Variants in IL12RB2 observed in about 807,000 individuals in gnomAD.
The protein encoded by IL12RB2 is interleukin-12 receptor subunit beta-2.
A neutral mutation model predicts 89.4 loss-of-function variants in IL12RB2; 82 were observed. The ratio of observed to expected loss-of-function variants is 0.92; its 90% CI spans 0.77 to 1.10. The LOEUF is 1.10. IL12RB2 is among the 50% of genes least tolerant of loss of function. IL12RB2 has a pLI of 0.00. For missense variants in IL12RB2, 963 were observed against 1,031.9 expected (o/e 0.93, Z 0.92); for synonymous variants, 368 against 370.1 (o/e 0.99, Z 0.07).
chr1:67,361,130 T>C (rs1661994596), intron 10 of IL12RB2, among the ~76,000 whole-genome samples: 1 of 152,168 alleles, frequency 6.6e-6, no homozygotes, highest in African/African-American at 2.4e-5. Flanking sequence ...GATGTAATCA[T>C]AGGGTTATAG....
Position 67,330,735 on chromosome 1 carries a change from T to A in IL12RB2, c.883T>A (p.Ser295Thr). ...ATTTACAGAATATGAATTTCAGATT[T>A]CCTCTAAGCTACATCTTTATAAGGG... is the stretch of plus-strand genomic sequence containing the variant. The part of the protein sequence containing the change: ...KPFTEYEFQI[S>T]SKLHLYKGSW... Residue 295 changes from serine to threonine, a missense_variant, in exon 8 of 17, where the codon TCC (serine) becomes ACC (threonine). Coordinates refer to ENST00000674203, the MANE Select transcript of IL12RB2 (RefSeq NM_001374259.2). 6.6e-7 allele frequency: 1 copy of A among 1,521,772 alleles called. No individual in the cohort carries two copies. Among genetic ancestry groups the A allele is most frequent in the South Asian group, 1.1e-5 (1 of 89,222 alleles). 94.3% of individuals were successfully genotyped at this position (1,521,772 alleles called of 1,614,324 possible).
chr1:67,341,161 T>C (rs1659480604), intron 9 of IL12RB2, among the ~76,000 whole-genome samples: 1 of 152,142 alleles, frequency 6.6e-6, no homozygotes, highest in Non-Finnish European at 1.5e-5. Context: ...CCATAATCCC[T>C]AATCCCAGCA....
intron 13 of IL12RB2, 116 bp from the exon 14 acceptor site, chr1:67,379,870 C>A: frequency 1.2e-6 from 1 of 861,228 alleles, no homozygotes; most frequent in Non-Finnish European, 1.9e-6. Context: ...TTTAAAATAG[C>A]AAAATGCTTT....
At chr1:67,309,327 G>C (rs1418476954) in intron 1 of IL12RB2, among the ~76,000 whole-genome samples, 1 of 152,094 alleles carries the variant, frequency 6.6e-6, no homozygotes, top group African/African-American at 2.4e-5. Flanking sequence ...ACAGGTTTCT[G>C]GCTCAAAACT....
intron 16 of IL12RB2, among the ~76,000 whole-genome samples, chr1:67,391,257 A>G (rs1665777705): frequency 6.6e-6 from 1 of 151,872 alleles, no homozygotes; most frequent in African/African-American, 2.4e-5. Flanking sequence ...TAAGACAAAG[A>G]TCATTCACTT....
chr1:67,366,546 T>C (rs1662700834), intron 10 of IL12RB2, among the ~76,000 whole-genome samples: 1 of 150,348 alleles, frequency 6.7e-6, no homozygotes, highest in South Asian at 2.1e-4. Flanking sequence ...TTGATAAAAA[T>C]TAGAAAATCA....
intron 1 of IL12RB2, among the ~76,000 whole-genome samples, chr1:67,310,867 G>A (rs1465309105): frequency 6.6e-6 from 1 of 152,224 alleles, no homozygotes; most frequent in East Asian, 1.9e-4. Flanking sequence ...TGGGATTACA[G>A]GCGCACACCA....
chr1:67,383,832 C>A (rs116700282), intron 14 of IL12RB2, among the ~76,000 whole-genome samples: 6,907 of 152,278 alleles, frequency 0.045, 190 homozygotes, highest in Non-Finnish European at 0.07. Context: ...TGCAAAAATT[C>A]AAAAAATTGC....
intron 10 of IL12RB2, among the ~76,000 whole-genome samples, chr1:67,361,940 T>C (rs1462524928): frequency 1.3e-5 from 2 of 152,126 alleles, no homozygotes; most frequent in African/African-American, 4.8e-5. Flanking sequence ...GAAAACTTTA[T>C]AAGACCAAAT....
chr1:67,309,936 A>G (rs1175775204), intron 1 of IL12RB2, among the ~76,000 whole-genome samples: 1 of 152,110 alleles, frequency 6.6e-6, no homozygotes, highest in Admixed American at 6.6e-5. Flanking sequence ...GCACTTTGGG[A>G]GGCCGAGGTG....
intron 4 of IL12RB2, among the ~76,000 whole-genome samples, chr1:67,325,582 A>T (rs1379664176): frequency 2.0e-5 from 3 of 152,228 alleles, no homozygotes; most frequent in Admixed American, 6.5e-5. Flanking sequence ...TTTTTAAAGG[A>T]AAAGTTTATT....
In IL12RB2 at chr1:67,395,618, C is replaced by CT; in HGVS notation, c.2118_2119insT (p.Ile707TyrfsTer3). On this transcript the variant is annotated frameshift_variant, in exon 17 of 17. Transcript: ENST00000674203. LOFTEE classifies it low-confidence loss of function (END_TRUNC). ...CGCCTGAAGATCCTGAACCGCTGGT[C>CT]ATCAGTGAAGTCCTTCATCAAGTGA... 6.2e-7 allele frequency: 1 copy of CT among 1,614,202 alleles called. No homozygotes were observed. The highest frequency in any genetic ancestry group is 8.5e-7 in the Non-Finnish European group (1 of 1,180,024).
chr1:67,388,369 A>G (rs150097713), intron 15 of IL12RB2, among the ~76,000 whole-genome samples: 39 of 152,270 alleles, frequency 2.6e-4, no homozygotes, highest in Middle Eastern at 3.4e-3. Flanking sequence ...GTTTTGAGAC[A>G]GAGTCTCACT....
intron 14 of IL12RB2, among the ~76,000 whole-genome samples, chr1:67,385,556 A>G (rs916276738): frequency 1.3e-5 from 2 of 152,264 alleles, no homozygotes; most frequent in Middle Eastern, 3.4e-3. Context: ...TACTACATTC[A>G]TGACTTCTTT....
At chr1:67,395,441 G>A (rs1666272338) in intron 16 of IL12RB2, 106 bp from the exon 17 acceptor site, 1 of 1,605,482 alleles carries the variant, frequency 6.2e-7, no homozygotes, top group Non-Finnish European at 8.5e-7. Flanking sequence ...TCCAGCCAGG[G>A]CTGAGGAGAC....
chr1:67,389,286 A>G (rs1665549591), intron 15 of IL12RB2, among the ~76,000 whole-genome samples: 1 of 151,992 alleles, frequency 6.6e-6, no homozygotes, highest in Non-Finnish European at 1.5e-5. Context: ...ACCTAGTCAC[A>G]TGGCCACATC....
Position 67,319,822 on chromosome 1 carries a change from T to TA in IL12RB2, c.-36-511_-36-510insA, listed in dbSNP as rs541134781. On this transcript the variant is annotated intron_variant, in intron 2 of 16. Coordinates refer to ENST00000674203, the MANE Select transcript of IL12RB2 (RefSeq NM_001374259.2). ...ATTAGGAGATGGGGTCTTTGGGAGG[T>TA]GATTGGGTCATGAAGGTAGAATTTT... 2.7e-3 allele frequency among the ~76,000 whole-genome samples: 409 copies of TA among 152,076 alleles called. 3 individuals carry two copies. The highest frequency in any genetic ancestry group is 9.6e-3 in the African/African-American group (396 of 41,456).
rs1177248463 is a variant in IL12RB2 at position 67,350,978 on chromosome 1, T to A, written c.1147T>A (p.Trp383Arg). 1 of 1,614,150 alleles carries A rather than the reference T, an allele frequency of 6.2e-7. No individual in the cohort carries two copies. Among genetic ancestry groups the A allele is most frequent in the Admixed American group, 1.7e-5 (1 of 60,014 alleles). ...ACAGAACATCACAGGACACACCTCC[T>A]GGACCACAGTCATTCCTAGAACCGG... ...MTQNITGHTS[W>R]TTVIPRTGNW... The change falls in exon 10 of 17, where the codon TGG becomes AGG. Residue 383 changes from tryptophan (W) to arginine (R), a missense_variant. By Grantham distance (101) the Trp-to-Arg change is moderately radical (BLOSUM62 -3). Coordinates refer to ENST00000674203, the MANE Select transcript of IL12RB2 (RefSeq NM_001374259.2).
chr1:67,358,391 C>G (rs1188936619), intron 10 of IL12RB2, among the ~76,000 whole-genome samples: 2 of 151,906 alleles, frequency 1.3e-5, no homozygotes, highest in Non-Finnish European at 2.9e-5. Flanking sequence ...GCTTGGCCAA[C>G]CTGGTGAAAC....
Sources: gnomAD v4.1 joint callset for allele counts (sites outside exome capture counted in the v4.1 genomes callset) on GRCh38, gnomAD v4.1.1 for gene constraint, MANE v1.5 for transcripts, NCBI Gene and HGNC (gene_info 2026-07-23, HGNC 2026-07-21) for gene names.